Variants in SAMD4A observed in about 807,000 individuals in gnomAD.
The protein encoded by SAMD4A is protein Smaug homolog 1.
In SAMD4A, 33 loss-of-function variants were observed where a neutral mutation model predicts 81.3. The observed-to-expected ratio is 0.41, with a 90% confidence interval of 0.31 to 0.54. The LOEUF (loss-of-function observed/expected upper bound fraction) is 0.54. Among genes scored for constraint, SAMD4A ranks in the 20% least tolerant of loss-of-function variants. The probability of loss-of-function intolerance (pLI) is 0.37; values close to 1 mark genes in which losing one functional copy is unlikely to be tolerated. For missense variants in SAMD4A, 854 were observed against 951.1 expected (o/e 0.90, Z 1.34); for synonymous variants, 389 against 382.1 (o/e 1.02, Z -0.21).
chr14:54,788,754 A>T (rs1431109605), intron 12 of SAMD4A, among the ~76,000 whole-genome samples, 162 bp from the exon 13 acceptor site: 2 of 152,196 alleles, frequency 1.3e-5, no homozygotes, highest in Admixed American at 6.5e-5. Context: ...TGTTCCCCAG[A>T]TATCATGTGG....
chr14:54,596,350 C>T (rs567945003), intron 2 of SAMD4A, among the ~76,000 whole-genome samples: 1 of 152,182 alleles, frequency 6.6e-6, no homozygotes, highest in African/African-American at 2.4e-5. Flanking sequence ...TTTGAGAGGC[C>T]GAGGCAGGTG....
In SAMD4A at chr14:54,567,676, C is replaced by T; in HGVS notation, c.-241C>T. 1 of 357,538 alleles carries T rather than the reference C, an allele frequency of 2.8e-6. No individual in the cohort carries two copies. Among genetic ancestry groups the T allele is most frequent in the Non-Finnish European group, 5.2e-6 (1 of 192,646 alleles). The allele number at this position is 357,538 out of a possible 1,614,324, so 22.1% of individuals were successfully genotyped here. A position where few individuals can be genotyped will look rare whatever the true frequency, so the allele number is the denominator to read the frequency against. On this transcript the variant is annotated 5_prime_UTR_variant, in exon 2 of 13. Transcript: ENST00000554335. The stretch of plus-strand genomic sequence containing the variant: ...AAAGTCGTTTTTTTTTTTAAAGAAA[C>T]ATTTCCGTGCTACTGTCTGTCATCG...
At chr14:54,719,967 CATT>C (rs1366639111) in intron 3 of SAMD4A, among the ~76,000 whole-genome samples, 2 of 152,164 alleles carry the variant, frequency 1.3e-5, no homozygotes, top group East Asian at 3.8e-4. Context: ...AATTTCCTCT[CATT>C]AATTTTCTTC....
chr14:54,658,680 A>G (rs1224101939), intron 2 of SAMD4A, among the ~76,000 whole-genome samples: 1 of 152,008 alleles, frequency 6.6e-6, no homozygotes, highest in Non-Finnish European at 1.5e-5. Flanking sequence ...TCCCACAGTC[A>G]CTCTGGCTGA....
chr14:54,695,860 G>A (rs565380255), intron 2 of SAMD4A, among the ~76,000 whole-genome samples: 1 of 150,818 alleles, frequency 6.6e-6, no homozygotes, highest in Admixed American at 6.7e-5. Context: ...GGCTGAATCA[G>A]GAGAATCGCT....
intron 4 of SAMD4A, among the ~76,000 whole-genome samples, chr14:54,740,740 C>T (rs931492206): frequency 5.9e-5 from 9 of 152,164 alleles, no homozygotes; most frequent in African/African-American, 1.2e-4. Flanking sequence ...TTGGTGTTAG[C>T]GTTCCCTGCC....
intron 2 of SAMD4A, among the ~76,000 whole-genome samples, chr14:54,641,346 C>T (rs149066126): frequency 6.6e-6 from 1 of 152,332 alleles, no homozygotes; most frequent in Non-Finnish European, 1.5e-5. Context: ...ACCACCTGTA[C>T]TTTTGGTGCT....
chr14:54,747,063 T>A (rs1247484261), intron 4 of SAMD4A, among the ~76,000 whole-genome samples: 1 of 152,234 alleles, frequency 6.6e-6, no homozygotes, highest in Non-Finnish European at 1.5e-5. Flanking sequence ...TGTCCTGGAC[T>A]CTTGATCCAA....
In SAMD4A at chr14:54,632,769, G is replaced by A. The variant is rs191723873; in HGVS notation, c.196+64657G>A. Among the ~76,000 whole-genome samples, 145 of 152,300 alleles carry A rather than the reference G, an allele frequency of 9.5e-4. 3 individuals carry two copies. In the South Asian group the frequency reaches 0.017, roughly 17 times the overall value. On this transcript the variant is annotated intron_variant, in intron 2 of 12. Coordinates refer to ENST00000554335, the MANE Select transcript of SAMD4A (RefSeq NM_015589.6). Reference sequence around the variant, plus strand: ...CTTATTAGCTATGCATCTTGGGTAAGTTACTTAAGCTCACTCTGTTTTAAC... The same window carrying A: ...CTTATTAGCTATGCATCTTGGGTAAATTACTTAAGCTCACTCTGTTTTAAC...
intron 9 of SAMD4A, among the ~76,000 whole-genome samples, chr14:54,770,465 G>GT (rs2038671333): frequency 6.6e-6 from 1 of 152,252 alleles, no homozygotes; most frequent in Non-Finnish European, 1.5e-5. Context: ...CAAAATGATG[G>GT]TAATAGTCCG....
intron 2 of SAMD4A, among the ~76,000 whole-genome samples, chr14:54,676,965 T>G (rs1371286460): frequency 6.6e-6 from 1 of 152,192 alleles, no homozygotes; most frequent in African/African-American, 2.4e-5. Context: ...CAGAGATCCA[T>G]TTTTATAGTC....
At chr14:54,753,305 A>G (rs1340120443) in intron 6 of SAMD4A, among the ~76,000 whole-genome samples, 1 of 152,258 alleles carries the variant, frequency 6.6e-6, no homozygotes, top group Non-Finnish European at 1.5e-5. Context: ...TCCGCAGTGC[A>G]TTGTGCCCCT....
chr14:54,750,990 G>A (rs781310316), intron 5 of SAMD4A, among the ~76,000 whole-genome samples: 8 of 152,178 alleles, frequency 5.3e-5, no homozygotes, highest in Admixed American at 1.3e-4. Context: ...GGCTGGGTGC[G>A]GTGGCTCACG....
intron 2 of SAMD4A, among the ~76,000 whole-genome samples, chr14:54,674,497 T>TACTGGTGTAGAA (rs1158662938): frequency 2.6e-5 from 4 of 152,246 alleles, no homozygotes; most frequent in East Asian, 1.9e-4. Context: ...GTGTGGTTTC[T>TACTGGTGTAGAA]ACTGGTGTAG....
chr14:54,576,079 G>A (rs1293346457), intron 2 of SAMD4A, among the ~76,000 whole-genome samples: 1 of 133,828 alleles, frequency 7.5e-6, no homozygotes, highest in African/African-American at 3.0e-5. Flanking sequence ...GAAAGAGCAG[G>A]AATGTTCATT....
chr14:54,780,481 A>G (rs777717891), intron 11 of SAMD4A, among the ~76,000 whole-genome samples: 102 of 152,310 alleles, frequency 6.7e-4, no homozygotes, highest in Non-Finnish European at 9.3e-4. Flanking sequence ...TGGGGTGTGG[A>G]AGGGGCTGCC....
At chr14:54,593,359 T>A (rs116740070) in intron 2 of SAMD4A, among the ~76,000 whole-genome samples, 1,985 of 152,342 alleles carry the variant, frequency 0.013, 43 homozygotes, top group African/African-American at 0.045. Flanking sequence ...GTATTTCATA[T>A]CTGTGGCTGG....
chr14:54,706,079 G>A (rs1351830601), intron 3 of SAMD4A, among the ~76,000 whole-genome samples: 3 of 152,100 alleles, frequency 2.0e-5, no homozygotes, highest in Non-Finnish European at 4.4e-5. Context: ...CAGGTACAGT[G>A]GCTCATGCCT....
intron 6 of SAMD4A, among the ~76,000 whole-genome samples, chr14:54,753,669 A>G (rs1260849163): frequency 1.4e-5 from 2 of 147,970 alleles, no homozygotes; most frequent in Admixed American, 1.4e-4. Context: ...TGTTATATAT[A>G]TATTTATAGA....
Sources: allele counts gnomAD v4.1 joint callset (sites outside exome capture counted in the v4.1 genomes callset), GRCh38; gene constraint gnomAD v4.1.1; transcripts MANE v1.5; gene names NCBI Gene and HGNC (gene_info 2026-07-23, HGNC 2026-07-21).